Variants in MRAP2 observed in about 807,000 individuals in gnomAD.
The protein encoded by MRAP2 is melanocortin-2 receptor accessory protein 2.
In MRAP2, 20 loss-of-function variants were observed where a neutral mutation model predicts 17.4. That is an observed-to-expected ratio of 1.15 (90% CI 0.81 to 1.67). The LOEUF is 1.67. Ranked by LOEUF, MRAP2 falls within the 40% of genes most tolerant of loss-of-function variation. The pLI is 0.00. For missense variants in MRAP2, 238 were observed against 240.0 expected, an observed-to-expected ratio of 0.99 and a Z score of 0.05; for synonymous variants, 96 against 88.4, an observed-to-expected ratio of 1.09 and a Z score of -0.48.
At chr6:84,087,857 G>A (rs1381902492) in intron 3 of MRAP2, among the ~76,000 whole-genome samples, 1 of 152,134 alleles carries the variant, frequency 6.6e-6, no homozygotes, top group Non-Finnish European at 1.5e-5. Flanking sequence ...ACCATGCTAG[G>A]AGACAGATCT....
intron 1 of MRAP2, among the ~76,000 whole-genome samples, chr6:84,040,924 A>G (rs764507167): frequency 2.6e-5 from 4 of 152,266 alleles, no homozygotes; most frequent in African/African-American, 4.8e-5. Flanking sequence ...AATTTGCATA[A>G]GTAACAAGGA....
intron 3 of MRAP2, among the ~76,000 whole-genome samples, chr6:84,067,268 A>G (rs1246680098): frequency 6.6e-6 from 1 of 152,064 alleles, no homozygotes; most frequent in African/African-American, 2.4e-5. Context: ...CAGTTTCTTT[A>G]TCCACTTGTT....
At chr6:84,075,198 G>A (rs1411494041) in intron 3 of MRAP2, among the ~76,000 whole-genome samples, 1 of 152,080 alleles carries the variant, frequency 6.6e-6, no homozygotes, top group African/African-American at 2.4e-5. Flanking sequence ...TCTTCAGCCG[G>A]AAGCAGCACA....
chr6:84,083,322 G>A (rs1467234634), intron 3 of MRAP2, among the ~76,000 whole-genome samples: 1 of 152,138 alleles, frequency 6.6e-6, no homozygotes, highest in Non-Finnish European at 1.5e-5. Context: ...TGAGATATTA[G>A]ACAAAGCTAG....
chr6:84,069,505 A>T (rs538709183), intron 3 of MRAP2, among the ~76,000 whole-genome samples: 17 of 152,088 alleles, frequency 1.1e-4, no homozygotes, highest in African/African-American at 2.9e-4. Flanking sequence ...TAGTATTTTG[A>T]TAAGGATTTT....
At chr6:84,109,214 C>A in the MRAP2 span, among the ~76,000 whole-genome samples, 1 of 152,184 alleles carries the variant, frequency 6.6e-6, no homozygotes, top group African/African-American at 2.4e-5. Context: ...TGAAGAATGT[C>A]AAAGGTAGTT....
At chr6:84,073,204 A>G (rs1048159481) in intron 3 of MRAP2, among the ~76,000 whole-genome samples, 4 of 151,948 alleles carry the variant, frequency 2.6e-5, no homozygotes, top group Admixed American at 6.6e-5. Flanking sequence ...ATATATTCCT[A>G]TGGTGCTAGG....
chr6:84,125,262 T>C, the MRAP2 span: 1 of 1,613,326 alleles, frequency 6.2e-7, no homozygotes, highest in Admixed American at 1.7e-5. Flanking sequence ...CTACTTGGTG[T>C]GTTTGCTGTA....
At chr6:84,116,865 G>A in the MRAP2 span, among the ~76,000 whole-genome samples, 1 of 152,194 alleles carries the variant, frequency 6.6e-6, no homozygotes, top group Admixed American at 6.5e-5. Context: ...TAAGCTTTTT[G>A]ATGTACTGCT....
the MRAP2 span, among the ~76,000 whole-genome samples, chr6:84,108,061 C>T: frequency 6.6e-6 from 1 of 152,262 alleles, no homozygotes; most frequent in South Asian, 2.1e-4. Context: ...AGCATTTAGT[C>T]TTAATTATTA....
the MRAP2 span, chr6:84,126,305 G>T: frequency 1.7e-6 from 2 of 1,149,024 alleles, no homozygotes; most frequent in South Asian, 2.4e-5. Flanking sequence ...TGCTAGGGAT[G>T]ACAAAACTAT....
At chr6:84,075,196 C>G (rs575451395) in intron 3 of MRAP2, among the ~76,000 whole-genome samples, 1 of 152,108 alleles carries the variant, frequency 6.6e-6, no homozygotes, top group African/African-American at 2.4e-5. Context: ...ATTCTTCAGC[C>G]GGAAGCAGCA....
chr6:84,116,937 C>T, the MRAP2 span, among the ~76,000 whole-genome samples: 1 of 152,036 alleles, frequency 6.6e-6, no homozygotes, highest in Non-Finnish European at 1.5e-5. Flanking sequence ...AGGATACTGG[C>T]TTGCCGTTTC....
At position 84,089,263 on chromosome 6, in the gene MRAP2, C is replaced by G. The variant is rs1173305440; in HGVS notation, c.400C>G (p.Gln134Glu). The change falls in exon 4 of 4, where the codon CAG becomes GAG. Residue 134 changes from glutamine (Q) to glutamate (E), a missense_variant. Physicochemically the swap from Gln to Glu is conservative, Grantham distance 29. Coordinates refer to ENST00000257776, the MANE Select transcript of MRAP2 (RefSeq NM_138409.4). ...CTTGGACAGAGCCAAAGCTTGTCAC[C>G]AGACCACAGCCCTTGACAGTGACGT... is the stretch of plus-strand genomic sequence containing the variant. ...ERLDRAKACH[Q>E]TTALDSDVQL... 3.7e-6 allele frequency: 6 copies of G among 1,614,058 alleles called. No homozygotes were observed. The highest frequency in any genetic ancestry group is 1.7e-5 in the Admixed American group (1 of 59,998).
chr6:84,033,905 C>T (rs1376653624), intron 1 of MRAP2, 22 bp downstream of exon 1: 2 of 986,090 alleles, frequency 2.0e-6, no homozygotes, highest in South Asian at 4.6e-5. Flanking sequence ...CGGGACAGGG[C>T]GCCCAGGGCG....
At chr6:84,142,406 A>ATG in the MRAP2 span, among the ~76,000 whole-genome samples, 2 of 152,142 alleles carry the variant, frequency 1.3e-5, no homozygotes, top group Non-Finnish European at 1.5e-5. Context: ...ATCTATGTGT[A>ATG]TGTGTGTGTG....
the MRAP2 span, among the ~76,000 whole-genome samples, chr6:84,119,876 C>G: frequency 6.6e-6 from 1 of 152,188 alleles, no homozygotes; most frequent in South Asian, 2.1e-4. Context: ...ATTAAAGAAA[C>G]TCATCCTAAA....
At chr6:84,127,284 C>T in the MRAP2 span, among the ~76,000 whole-genome samples, 2 of 151,992 alleles carry the variant, frequency 1.3e-5, no homozygotes, top group Non-Finnish European at 2.9e-5. Context: ...CTAACAATAA[C>T]TCTTGTTTTC....
chr6:84,052,620 G>T (rs955311237), intron 1 of MRAP2: 1 of 154,328 alleles, frequency 6.5e-6, no homozygotes, highest in African/African-American at 2.4e-5. Context: ...AGAGGTCAGA[G>T]GTTCTGTCCT....
Sources: gnomAD v4.1 joint callset for allele counts (sites outside exome capture counted in the v4.1 genomes callset) on GRCh38, gnomAD v4.1.1 for gene constraint, MANE v1.5 for transcripts, NCBI Gene and HGNC (gene_info 2026-07-23, HGNC 2026-07-21) for gene names.